LRRIQ1: variants seen among roughly 807,000 people sequenced by gnomAD.
LRRIQ1 encodes the protein leucine rich repeats and IQ motif containing 1, also known as leucine-rich repeat- and IQ domain-containing protein 1.
In LRRIQ1, 210 loss-of-function variants were observed where a neutral mutation model predicts 211.9. The observed-to-expected ratio is 0.99, with a 90% CI of 0.89 to 1.11. The LOEUF (loss-of-function observed/expected upper bound fraction) is 1.11. Among genes scored for constraint, LRRIQ1 ranks in the 50% most tolerant of loss-of-function variants. The pLI is 0.00. For missense variants in LRRIQ1, 2,136 were observed against 1,939.5 expected (o/e 1.10, Z -1.90); for synonymous variants, 699 against 650.1 (o/e 1.08, Z -1.14).
At chr12:85,093,492 C>G (rs141892385) in intron 11 of LRRIQ1, among the ~76,000 whole-genome samples, 6 of 152,314 alleles carry the variant, frequency 3.9e-5, no homozygotes, top group African/African-American at 1.4e-4. Context: ...TGCATGTCTT[C>G]TCTTATACAG....
intron 24 of LRRIQ1, among the ~76,000 whole-genome samples, chr12:85,208,418 A>G (rs896376557): frequency 1.3e-5 from 2 of 152,154 alleles, no homozygotes; most frequent in African/African-American, 2.4e-5. Context: ...ATGCGGATAT[A>G]TAGAACATAA....
intron 1 of LRRIQ1, among the ~76,000 whole-genome samples, chr12:85,254,693 A>G (rs1896039256): frequency 6.6e-6 from 1 of 152,038 alleles, no homozygotes; most frequent in Admixed American, 6.6e-5. Context: ...TATTTTCCTC[A>G]GACACCATCT....
At chr12:85,239,305 T>C (rs1895347702) in intron 26 of LRRIQ1, among the ~76,000 whole-genome samples, 1 of 151,294 alleles carries the variant, frequency 6.6e-6, no homozygotes, top group South Asian at 2.1e-4. Context: ...AGACTCGTGC[T>C]ACACAGAATT....
Position 85,171,073 on chromosome 12 carries a change from G to A in LRRIQ1, c.4822+10359G>A, listed in dbSNP as rs146034477. Among the ~76,000 whole-genome samples, 455 of 152,190 alleles carry A rather than the reference G, an allele frequency of 3.0e-3. 2 individuals are homozygous for A. The highest frequency in any genetic ancestry group is 0.011 in the African/African-American group (438 of 41,544). On this transcript the variant is annotated intron_variant, in intron 24 of 26. Coordinates refer to ENST00000393217, the MANE Select transcript of LRRIQ1 (RefSeq NM_001079910.2). ...AGAAACAAGAGACGATGTAAGTAGA[G>A]CCAATGAGACTTTAGATAATGGAGA...
Position 85,124,118 on chromosome 12 carries a change from G to T in LRRIQ1, c.3606G>T (p.Lys1202Asn). 1 of 1,613,826 alleles carries T rather than the reference G, an allele frequency of 6.2e-7. No homozygotes were observed. The change falls in exon 17 of 27, where the codon AAG (lysine) becomes AAT (asparagine). Residue 1202 changes from lysine to asparagine, a missense_variant. Coordinates refer to ENST00000393217, the MANE Select transcript of LRRIQ1 (RefSeq NM_001079910.2). ...CAGAAAATCTCTGTCATTATTTTAA[G>T]AAATTGATGATACTTAGTACTGAAT... The part of the protein sequence containing the change: ...DTAENLCHYF[K>N]KLMILSTEYR...
chr12:85,192,431 T>TAA (rs1892573908), intron 24 of LRRIQ1, among the ~76,000 whole-genome samples: 1 of 110,320 alleles, frequency 9.1e-6, no homozygotes, highest in Non-Finnish European at 1.8e-5. Context: ...TTTATATATA[T>TAA]TTATATATAA....
At chr12:85,192,691 A>AATATATAGTTATATACTATAATTATAAAT (rs1565894352) in intron 24 of LRRIQ1, among the ~76,000 whole-genome samples, 3 of 50,110 alleles carry the variant, frequency 6.0e-5, no homozygotes, top group East Asian at 5.1e-4. Flanking sequence ...ATTATATATA[A>AATATATAGTTATATACTATAATTATAAAT]ATATATAGTT....
At position 85,056,541 on chromosome 12, in the gene LRRIQ1, T is replaced by C. The variant is rs769775712; in HGVS notation, c.1748T>C (p.Ile583Thr). The C allele has an allele frequency of 6.2e-7, 1 of 1,608,632 alleles. No individual in the cohort carries two copies. Among genetic ancestry groups the C allele is most frequent in the Non-Finnish European group, 8.5e-7 (1 of 1,177,798 alleles). The change falls in exon 8 of 27, where the codon ATA (isoleucine) becomes ACA (threonine). Residue 583 changes from isoleucine to threonine, a missense_variant. Physicochemically the swap from Ile to Thr is moderately conservative, Grantham distance 89. Coordinates refer to ENST00000393217, the MANE Select transcript of LRRIQ1 (RefSeq NM_001079910.2). ...ATCAAAGATAATCAGCAGAAAAAGA[T>C]ACAAAAAGTAGAAAAAGAAGAGATA... ...KIIKDNQQKK[I>T]QKVEKEEIQE...
At chr12:85,235,748 A>G (rs534655723) in intron 26 of LRRIQ1, among the ~76,000 whole-genome samples, 1 of 152,306 alleles carries the variant, frequency 6.6e-6, no homozygotes, top group South Asian at 2.1e-4. Flanking sequence ...TAGTCTAGAA[A>G]ATGTGTCAGT....
At chr12:85,236,830 CAT>C (rs60371759) in intron 26 of LRRIQ1, among the ~76,000 whole-genome samples, 4,197 of 108,666 alleles carry the variant, frequency 0.039, 192 homozygotes, top group African/African-American at 0.11. Flanking sequence ...TGTATGTGTG[CAT>C]ATATATATAT....
chr12:85,094,763 A>G (rs1405826220), intron 11 of LRRIQ1, among the ~76,000 whole-genome samples: 1 of 151,848 alleles, frequency 6.6e-6, no homozygotes. Flanking sequence ...ATGTTTTTCC[A>G]TTGTATTATC....
chr12:85,164,211 T>A (rs1317481052), intron 24 of LRRIQ1, among the ~76,000 whole-genome samples: 1 of 152,154 alleles, frequency 6.6e-6, no homozygotes, highest in East Asian at 1.9e-4. Flanking sequence ...TCTGTCTTAA[T>A]TGTTTAGTTT....
chr12:85,258,907 A>T (rs757137323), intron 1 of LRRIQ1, among the ~76,000 whole-genome samples: 14 of 152,056 alleles, frequency 9.2e-5, no homozygotes, highest in Non-Finnish European at 1.9e-4. Flanking sequence ...TATACATACC[A>T]GGAGAGTCAT....
intron 3 of LRRIQ1, 64 bp from the exon 4 acceptor site, chr12:85,044,654 G>T: frequency 1.3e-6 from 1 of 774,340 alleles, no homozygotes; most frequent in Non-Finnish European, 2.1e-6. Context: ...GAAAGGGTTT[G>T]AAATTTTGAG....
intron 15 of LRRIQ1, among the ~76,000 whole-genome samples, chr12:85,117,671 T>C (rs2136396126): frequency 6.6e-6 from 1 of 152,308 alleles, no homozygotes; most frequent in Non-Finnish European, 1.5e-5. Flanking sequence ...TGAAGCTTTA[T>C]GTTTAGTCTT....
chr12:85,193,768 C>T (rs1166401340), intron 24 of LRRIQ1, among the ~76,000 whole-genome samples: 123 of 149,708 alleles, frequency 8.2e-4, no homozygotes, highest in Non-Finnish European at 1.4e-3. Context: ...CATCAACTAA[C>T]GAGCAAAATA....
intron 26 of LRRIQ1, among the ~76,000 whole-genome samples, chr12:85,239,936 C>T (rs904094429): frequency 1.3e-5 from 2 of 152,168 alleles, no homozygotes; most frequent in Non-Finnish European, 2.9e-5. Context: ...TGAGATCACA[C>T]CACTGCACTG....
intron 1 of LRRIQ1, among the ~76,000 whole-genome samples, chr12:85,255,812 T>C (rs936277288): frequency 2.0e-5 from 3 of 151,624 alleles, no homozygotes; most frequent in Non-Finnish European, 4.4e-5. Context: ...CCCGGACAAT[T>C]AATTACAGAA....
In LRRIQ1 at chr12:85,176,019, G is replaced by A. The variant is rs1055337540; in HGVS notation, c.4822+15305G>A. Reference sequence around the variant, plus strand: ...TTTTTGATTCCATATGAACTTTAAAGTAGTTTTTTCCAATTCTGTGAAGAA... The same window carrying A: ...TTTTTGATTCCATATGAACTTTAAAATAGTTTTTTCCAATTCTGTGAAGAA... On this transcript the variant is annotated intron_variant, in intron 24 of 26. Coordinates refer to ENST00000393217, the MANE Select transcript of LRRIQ1 (RefSeq NM_001079910.2). Among the ~76,000 whole-genome samples, 16 of 152,190 alleles carry A rather than the reference G, an allele frequency of 1.1e-4. 1 individual carries two copies. The highest frequency in any genetic ancestry group is 3.9e-4 in the African/African-American group (16 of 41,542).
Sources: gnomAD v4.1 joint callset for allele counts (sites outside exome capture counted in the v4.1 genomes callset) on GRCh38, gnomAD v4.1.1 for gene constraint, MANE v1.5 for transcripts, NCBI Gene and HGNC (gene_info 2026-07-23, HGNC 2026-07-21) for gene names.